Variants in THAP4 observed in about 807,000 individuals in gnomAD.
THAP4 encodes THAP domain containing 4, also known as peroxynitrite isomerase THAP4.
A neutral mutation model predicts 48.1 loss-of-function variants in THAP4; 18 were observed. The observed-to-expected ratio is 0.37, with a 90% CI of 0.26 to 0.56. THAP4 has a LOEUF of 0.56. Ranked by LOEUF, THAP4 falls within the 20% of genes least tolerant of loss-of-function variation. The probability of loss-of-function intolerance (pLI) is 0.78; values close to 1 mark genes in which losing one functional copy is unlikely to be tolerated. For synonymous variants in THAP4, 345 were observed against 324.9 expected (o/e 1.06, Z -0.66); for missense variants, 656 against 774.9 (o/e 0.85, Z 1.82).
chr2:241,590,642 C>T (rs1382640984), intron 5 of THAP4, among the ~76,000 whole-genome samples: 3 of 151,702 alleles, frequency 2.0e-5, no homozygotes, highest in Non-Finnish European at 2.9e-5. Context: ...CAGAGCTGCC[C>T]GGCTGACGAT....
intron 5 of THAP4, among the ~76,000 whole-genome samples, chr2:241,599,831 A>C (rs4675921): frequency 0.023 from 3,461 of 152,264 alleles, 181 homozygotes; most frequent in East Asian, 0.17. Context: ...AATGTGGGAA[A>C]CGTTCCCTTA....
At chr2:241,635,787 GA>G (rs943957867) in intron 1 of THAP4, among the ~76,000 whole-genome samples, 2 of 150,822 alleles carry the variant, frequency 1.3e-5, no homozygotes, top group South Asian at 2.1e-4. Flanking sequence ...GAGAAAAAAA[GA>G]AAAAAAAACC....
intron 2 of THAP4, among the ~76,000 whole-genome samples, chr2:241,617,906 A>G (rs907669738): frequency 5.9e-5 from 9 of 152,144 alleles, no homozygotes; most frequent in Non-Finnish European, 1.2e-4. Context: ...GTCTCCTGGC[A>G]AGCGGCCCGG....
Position 241,637,044 on chromosome 2 carries a change from C to A in THAP4, c.-27G>T. ...GCGGGCCTTGGCCCAGCCGCGCAGC[C>A]AGGCCCCGGCCCTAGCCGCCCGCCC... On this transcript the variant is annotated 5_prime_UTR_variant, in exon 1 of 6. Transcript: ENST00000407315. 8.2e-7 allele frequency: 1 copy of A among 1,221,678 alleles called. No homozygotes were observed. Among genetic ancestry groups the A allele is most frequent in the South Asian group, 1.6e-5 (1 of 63,062 alleles). The allele number at this position is 1,221,678 out of a possible 1,614,324, so 75.7% of individuals were successfully genotyped here. A position where few individuals can be genotyped will look rare whatever the true frequency, so the allele number is the denominator to read the frequency against.
chr2:241,587,804 AC>A (rs1320118456), intron 5 of THAP4, among the ~76,000 whole-genome samples: 1 of 152,016 alleles, frequency 6.6e-6, no homozygotes, highest in Non-Finnish European at 1.5e-5. Flanking sequence ...AATCCCAGCT[AC>A]TCGGGAGGCT....
upstream of THAP4, chr2:241,637,345 G>C: frequency 4.6e-6 from 6 of 1,290,618 alleles, no homozygotes; most frequent in Non-Finnish European, 6.0e-6. Flanking sequence ...ACATGGGCGC[G>C]CCGAGCACGT....
intron 1 of THAP4, among the ~76,000 whole-genome samples, chr2:241,636,575 C>A (rs1286229898): frequency 1.3e-5 from 2 of 152,248 alleles, no homozygotes; most frequent in Non-Finnish European, 2.9e-5. Flanking sequence ...CCCGGTCGCT[C>A]CTGCTCGCAG....
chr2:241,605,080 T>C lies in THAP4; in HGVS notation c.1400+1234A>G, dbSNP rs565201202. ...TCTGACCTTTTCGTGGGTTATAATCTATAGTTTAAAAAAGACTGCTTGGGT... is the reference window on the plus strand; with the variant it reads ...TCTGACCTTTTCGTGGGTTATAATCCATAGTTTAAAAAAGACTGCTTGGGT... On this transcript the variant is annotated intron_variant, in intron 3 of 5. Coordinates refer to ENST00000407315, the MANE Select transcript of THAP4 (RefSeq NM_015963.6). 1.4e-4 allele frequency among the ~76,000 whole-genome samples: 22 copies of C among 152,384 alleles called. No individual in the cohort carries two copies. The South Asian group carries it at 3.7e-3, about 26-fold the overall frequency.
Position 241,633,866 on chromosome 2 carries a change from A to G in THAP4, c.291T>C (p.His97=), listed in dbSNP as rs2067603697. ...TGGCATCTTTTCTCCGGGTGCGGCC[A>G]TGGCCTCCAGCCCCCCTCTTCTTCT... ...LTEKKRGAGG[H]GRTRRKDASK... is the part of the protein sequence containing the mutation. Residue 97 remains histidine (H), a synonymous_variant, in exon 2 of 6, where the codon CAT becomes CAC. Transcript: ENST00000407315. The surrounding 1 kb of genome is among the most constrained non-coding windows in gnomAD (Gnocchi z 7.5). The G allele has an allele frequency of 1.9e-6, 3 of 1,613,826 alleles. No individual in the cohort carries two copies. The highest frequency in any genetic ancestry group is 1.7e-6 in the Non-Finnish European group (2 of 1,179,818).
intron 2 of THAP4, among the ~76,000 whole-genome samples, chr2:241,629,253 T>C (rs2067529662): frequency 6.6e-6 from 1 of 152,036 alleles, no homozygotes; most frequent in Non-Finnish European, 1.5e-5. Context: ...GAAGATCCCT[T>C]GAAGCCAAGG....
intron 2 of THAP4, among the ~76,000 whole-genome samples, chr2:241,608,171 C>G (rs1015179577): frequency 6.6e-6 from 1 of 152,184 alleles, no homozygotes; most frequent in Non-Finnish European, 1.5e-5. Context: ...GAGACCACGT[C>G]CAAGAACAGC....
At chr2:241,604,841 A>C (rs1179961727) in intron 3 of THAP4, among the ~76,000 whole-genome samples, 3 of 152,226 alleles carry the variant, frequency 2.0e-5, no homozygotes, top group Admixed American at 2.0e-4. Context: ...TACAGGCACG[A>C]GCCACCGCGC....
In THAP4 at chr2:241,637,038, C is replaced by A. The variant is rs1489950990; in HGVS notation, c.-21G>T. On this transcript the variant is annotated 5_prime_UTR_variant, in exon 1 of 6. Coordinates refer to ENST00000407315, the MANE Select transcript of THAP4 (RefSeq NM_015963.6). ...ACCATCGCGGGCCTTGGCCCAGCCG[C>A]GCAGCCAGGCCCCGGCCCTAGCCGC... 3.2e-6 allele frequency: 4 copies of A among 1,238,802 alleles called. No individual in the cohort carries two copies. Among genetic ancestry groups the A allele is most frequent in the Non-Finnish European group, 4.1e-6 (4 of 966,656 alleles). 76.7% of individuals were successfully genotyped at this position (1,238,802 alleles called of 1,614,324 possible). A position where few individuals can be genotyped will look rare whatever the true frequency, so the allele number is the denominator to read the frequency against.
chr2:241,594,987 TGA>T (rs2067030382), intron 5 of THAP4, among the ~76,000 whole-genome samples: 1 of 152,148 alleles, frequency 6.6e-6, no homozygotes, highest in Non-Finnish European at 1.5e-5. Flanking sequence ...TTGCACACTG[TGA>T]GCGATCTGAA....
At chr2:241,636,900 C>A (rs1559239521) in intron 1 of THAP4, 41 bp downstream of exon 1, 2 of 1,135,086 alleles carry the variant, frequency 1.8e-6, no homozygotes, top group Admixed American at 6.5e-5. Context: ...CCCCGCAGGG[C>A]CGGGTCGGGG....
chr2:241,609,438 G>GCCTTGGAGA (rs2067233959), intron 2 of THAP4, among the ~76,000 whole-genome samples: 1 of 152,222 alleles, frequency 6.6e-6, no homozygotes, highest in African/African-American at 2.4e-5. Flanking sequence ...GCCAGCTATA[G>GCCTTGGAGA]CCTTGGAGAC....
chr2:241,618,231 C>G (rs898977605), intron 2 of THAP4, among the ~76,000 whole-genome samples: 1 of 152,032 alleles, frequency 6.6e-6, no homozygotes, highest in Admixed American at 6.6e-5. Flanking sequence ...AACCATGAAA[C>G]GGAAGGAGTT....
chr2:241,618,089 G>A (rs2067370328), intron 2 of THAP4, among the ~76,000 whole-genome samples: 1 of 152,226 alleles, frequency 6.6e-6, no homozygotes, highest in Non-Finnish European at 1.5e-5. Context: ...AGCTGAGGGT[G>A]CGCGGCCCGC....
Position 241,633,743 on chromosome 2 carries a change from C to T in THAP4, c.414G>A (p.Lys138=). 1 of 1,612,236 alleles carries T rather than the reference C, an allele frequency of 6.2e-7. No homozygotes were observed. The highest frequency in any genetic ancestry group is 8.5e-7 in the Non-Finnish European group (1 of 1,178,758). The stretch of plus-strand genomic sequence containing the variant: ...CTTGCTTCAACCTGCGGGACTCTGG[C>T]TTGGCCATCGGGTTTCCACTCGAGG... ...SPSSSGNPMA[K]PESRRLKQAA... is the part of the protein sequence containing the mutation. The change falls in exon 2 of 6, where the codon AAG becomes AAA. Residue 138 remains lysine, a synonymous_variant. Transcript: ENST00000407315. This position sits in a 1 kb window ranked among gnomAD's most constrained non-coding sequence, Gnocchi z 7.5.
Sources: allele counts gnomAD v4.1 joint callset (sites outside exome capture counted in the v4.1 genomes callset), GRCh38; gene constraint gnomAD v4.1.1; non-coding constraint Gnocchi (gnomAD v3.1); transcripts MANE v1.5; gene names NCBI Gene and HGNC (gene_info 2026-07-23, HGNC 2026-07-21).